Variants in LRGUK observed in about 807,000 individuals in gnomAD.
LRGUK encodes the protein leucine rich repeats and guanylate kinase domain containing.
A neutral mutation model predicts 76.0 loss-of-function variants in LRGUK; 65 were observed. The observed-to-expected ratio is 0.85, with a 90% CI of 0.70 to 1.05. The LOEUF (loss-of-function observed/expected upper bound fraction) is 1.05, where lower values mean the gene tolerates loss of function less well. LRGUK is among the 50% of genes least tolerant of loss of function. The pLI, the probability that LRGUK is intolerant of heterozygous loss-of-function variation, is 0.00. For missense variants in LRGUK, 758 were observed against 732.8 expected (o/e 1.03, Z -0.40); for synonymous variants, 268 against 265.6 (o/e 1.01, Z -0.09).
chr7:134,164,513 A>G (rs1339638108), intron 7 of LRGUK, among the ~76,000 whole-genome samples: 2 of 152,232 alleles, frequency 1.3e-5, no homozygotes, highest in African/African-American at 4.8e-5. Flanking sequence ...TAAGTTGGTA[A>G]CTTTAGCAAA....
chr7:134,191,633 G>A, intron 11 of LRGUK, 22 bp from the exon 12 acceptor site: 1 of 1,484,234 alleles, frequency 6.7e-7, no homozygotes, highest in Non-Finnish European at 9.4e-7. Flanking sequence ...AATGGACTAG[G>A]TGATCTGTTT....
At chr7:134,221,566 G>A (rs183975004) in intron 15 of LRGUK, among the ~76,000 whole-genome samples, 1 of 151,946 alleles carries the variant, frequency 6.6e-6, no homozygotes, top group East Asian at 1.9e-4. Flanking sequence ...GGGTATATTC[G>A]GAGGATATAT....
chr7:134,205,367 T>C (rs1446581430), intron 15 of LRGUK, among the ~76,000 whole-genome samples: 1 of 152,038 alleles, frequency 6.6e-6, no homozygotes, highest in African/African-American at 2.4e-5. Flanking sequence ...TGGCCTCACC[T>C]CTCATCAGCA....
intron 6 of LRGUK, among the ~76,000 whole-genome samples, chr7:134,159,941 A>G (rs908658445): frequency 2.6e-5 from 4 of 152,256 alleles, no homozygotes; most frequent in African/African-American, 7.2e-5. Context: ...CCATGAAGGC[A>G]TGTGAGCAAA....
intron 18 of LRGUK, among the ~76,000 whole-genome samples, chr7:134,249,278 A>G (rs777838662): frequency 1.4e-4 from 21 of 152,170 alleles, no homozygotes; most frequent in Non-Finnish European, 3.1e-4. Context: ...GGAAGCTTTT[A>G]TCTGGGACCT....
chr7:134,215,842 AAGAGG>A (rs1399762484), intron 15 of LRGUK, among the ~76,000 whole-genome samples: 13 of 152,336 alleles, frequency 8.5e-5, no homozygotes, highest in Admixed American at 1.3e-4. Flanking sequence ...GCATTCAGAG[AAGAGG>A]ATAAGAAGGG....
chr7:134,128,537 A>G (rs2116777181), intron 1 of LRGUK, among the ~76,000 whole-genome samples: 1 of 152,150 alleles, frequency 6.6e-6, no homozygotes, highest in African/African-American at 2.4e-5. Context: ...GCGTAATTTA[A>G]TTTGCTTCCT....
Position 134,256,154 on chromosome 7 carries a change from T to C in LRGUK, c.2199-2103T>C, listed in dbSNP as rs558523985. Among the ~76,000 whole-genome samples, 152 of 152,212 alleles carry C rather than the reference T, an allele frequency of 1.0e-3. 4 individuals carry two copies. In the South Asian group the frequency reaches 0.012, roughly 12 times the overall value. ...ATTATCCTATTCCCACCCCCGAACC[T>C]TCCCTTAAAAAGTCTACTCCTGGCC... On this transcript the variant is annotated intron_variant, in intron 18 of 19. Transcript: ENST00000285928.
chr7:134,251,896 G>T (rs1019146825), intron 18 of LRGUK, among the ~76,000 whole-genome samples: 18 of 152,288 alleles, frequency 1.2e-4, no homozygotes, highest in African/African-American at 4.3e-4. Flanking sequence ...GGAGAGATTT[G>T]TCTGGTGACT....
At chr7:134,168,442 C>A (rs946726662) in intron 7 of LRGUK, among the ~76,000 whole-genome samples, 6 of 152,156 alleles carry the variant, frequency 3.9e-5, no homozygotes, top group Non-Finnish European at 8.8e-5. Flanking sequence ...GATTTGCCTC[C>A]CTTCTATCAA....
intron 5 of LRGUK, among the ~76,000 whole-genome samples, chr7:134,154,266 G>A (rs796924962): frequency 4.6e-5 from 7 of 152,340 alleles, no homozygotes; most frequent in African/African-American, 1.4e-4. Context: ...GTAATGTGTA[G>A]TGATTTATCA....
the LRGUK span, among the ~76,000 whole-genome samples, chr7:134,274,774 G>GA: frequency 6.6e-6 from 1 of 151,956 alleles, no homozygotes; most frequent in African/African-American, 2.4e-5. Flanking sequence ...ACTTTCCTTT[G>GA]AAAATATCAG....
intron 7 of LRGUK, among the ~76,000 whole-genome samples, chr7:134,170,796 C>T (rs959950806): frequency 2.0e-5 from 3 of 152,126 alleles, no homozygotes; most frequent in African/African-American, 7.2e-5. Context: ...TAACCAATTC[C>T]CATTCATTAA....
Position 134,221,889 on chromosome 7 carries a change from GCC to G in LRGUK, c.1955_1956del (p.Ala652GlufsTer32). On this transcript the variant is annotated frameshift_variant, in exon 16 of 20. Transcript: ENST00000285928. LOFTEE classifies it high-confidence loss of function. ...CAGAAACTACCTCATTAAATTTTGG[GCC>G]AAACTTTCAGCCAAAAAAACACCAG... 6.3e-7 allele frequency: 1 copy of G among 1,593,634 alleles called. No individual in the cohort carries two copies. Among genetic ancestry groups the G allele is most frequent in the Non-Finnish European group, 8.5e-7 (1 of 1,171,904 alleles).
At chr7:134,188,821 T>A (rs866133719) in intron 11 of LRGUK, among the ~76,000 whole-genome samples, 1 of 152,236 alleles carries the variant, frequency 6.6e-6, no homozygotes, top group Non-Finnish European at 1.5e-5. Flanking sequence ...AGCCTCTGCC[T>A]AAATATTTGC....
At chr7:134,156,855 A>G (rs542625160) in intron 5 of LRGUK, among the ~76,000 whole-genome samples, 2 of 152,338 alleles carry the variant, frequency 1.3e-5, no homozygotes, top group Admixed American at 1.3e-4. Context: ...AATAAAAAGG[A>G]AAGAAATCAT....
At chr7:134,260,231 A>G (rs4610682) in intron 19 of LRGUK, among the ~76,000 whole-genome samples, 40 of 151,982 alleles carry the variant, frequency 2.6e-4, no homozygotes, top group Non-Finnish European at 4.4e-5. Context: ...ATAATATAAT[A>G]TATAATATTG....
At chr7:134,208,567 G>A in intron 15 of LRGUK, 1 of 396,230 alleles carries the variant, frequency 2.5e-6, no homozygotes, top group Non-Finnish European at 4.4e-6. Context: ...GAGAAGGGAA[G>A]GTTAAGTTCT....
intron 16 of LRGUK, among the ~76,000 whole-genome samples, chr7:134,245,255 C>T (rs1352683176): frequency 6.6e-6 from 1 of 152,146 alleles, no homozygotes. Flanking sequence ...TATACTCAAA[C>T]ACTACTGGAA....
Sources: allele counts gnomAD v4.1 joint callset (sites outside exome capture counted in the v4.1 genomes callset), GRCh38; gene constraint gnomAD v4.1.1; transcripts MANE v1.5; gene names NCBI Gene and HGNC (gene_info 2026-07-23, HGNC 2026-07-21).